Variants in NMNAT3 observed in about 807,000 individuals in gnomAD.
NMNAT3 encodes nicotinamide/nicotinic acid mononucleotide adenylyltransferase 3.
A neutral mutation model predicts 24.8 loss-of-function variants in NMNAT3; 21 were observed. That is an observed-to-expected ratio of 0.85 (90% CI 0.60 to 1.22). The LOEUF (loss-of-function observed/expected upper bound fraction) is 1.22. NMNAT3 is among the 50% of genes most tolerant of loss of function. NMNAT3 has a pLI of 0.00. For synonymous variants in NMNAT3, 136 were observed against 155.2 expected (o/e 0.88, Z 0.92); for missense variants, 387 against 436.6 (o/e 0.89, Z 1.01).
At chr3:139,594,506 CAAAAA>C (rs988683138) in intron 3 of NMNAT3, among the ~76,000 whole-genome samples, 1 of 151,956 alleles carries the variant, frequency 6.6e-6, no homozygotes, top group African/African-American at 2.4e-5. Context: ...AGAGACACAA[CAAAAA>C]AAGAGAATTT....
intron 4 of NMNAT3, among the ~76,000 whole-genome samples, chr3:139,581,253 G>A (rs1425111680): frequency 2.0e-5 from 3 of 152,054 alleles, no homozygotes; most frequent in Non-Finnish European, 4.4e-5. Flanking sequence ...GCTACAAGAG[G>A]TATTTTTGGG....
chr3:139,659,445 CAAATG>C (rs2057347058), intron 1 of NMNAT3, among the ~76,000 whole-genome samples: 1 of 152,172 alleles, frequency 6.6e-6, no homozygotes, highest in Non-Finnish European at 1.5e-5. Flanking sequence ...TTAAAAATGC[CAAATG>C]ATAATATATT....
At chr3:139,566,621 T>C (rs1937266848) in intron 6 of NMNAT3, 1 of 152,162 alleles carries the variant, frequency 6.6e-6, no homozygotes, top group African/African-American at 2.4e-5. Context: ...AAATAGGGAA[T>C]CCTTTCCCCA....
intron 3 of NMNAT3, among the ~76,000 whole-genome samples, chr3:139,608,972 G>A (rs1430803449): frequency 6.6e-6 from 1 of 152,170 alleles, no homozygotes; most frequent in East Asian, 1.9e-4. Context: ...TTTCAAGAAA[G>A]TTACAGATAT....
At chr3:139,619,187 A>C (rs1294724129) in intron 3 of NMNAT3, among the ~76,000 whole-genome samples, 2 of 152,124 alleles carry the variant, frequency 1.3e-5, no homozygotes, top group African/African-American at 2.4e-5. Context: ...CAATTTAACC[A>C]ACTCTATTTT....
intron 2 of NMNAT3, chr3:139,636,584 G>A (rs1036207729): frequency 6.6e-6 from 1 of 152,182 alleles, no homozygotes; most frequent in Non-Finnish European, 1.5e-5. Flanking sequence ...TGACAAAAAT[G>A]AAGCACAATT....
chr3:139,652,399 C>T (rs907213858), intron 1 of NMNAT3, among the ~76,000 whole-genome samples: 5 of 152,214 alleles, frequency 3.3e-5, no homozygotes, highest in Non-Finnish European at 7.3e-5. Context: ...GATGCTATTA[C>T]TCCACCTTTG....
At chr3:139,618,195 G>T (rs1313501716) in intron 3 of NMNAT3, among the ~76,000 whole-genome samples, 1 of 152,138 alleles carries the variant, frequency 6.6e-6, no homozygotes, top group East Asian at 1.9e-4. Context: ...GTAAAGGAGT[G>T]TGAAAAAAAC....
At chr3:139,644,102 C>G (rs1353995191) in intron 1 of NMNAT3, among the ~76,000 whole-genome samples, 1 of 152,202 alleles carries the variant, frequency 6.6e-6, no homozygotes, top group African/African-American at 2.4e-5. Context: ...CTCATCCCAT[C>G]TAGGGCATTT....
At chr3:139,563,112 G>T (rs918907923) in intron 6 of NMNAT3, among the ~76,000 whole-genome samples, 1 of 152,148 alleles carries the variant, frequency 6.6e-6, no homozygotes, top group Non-Finnish European at 1.5e-5. Flanking sequence ...CAACATTTAT[G>T]AATTGTCTCC....
At chr3:139,640,370 A>G (rs1468298060) in intron 1 of NMNAT3, among the ~76,000 whole-genome samples, 1 of 152,212 alleles carries the variant, frequency 6.6e-6, no homozygotes, top group Admixed American at 6.5e-5. Context: ...GCTGAGGAAT[A>G]TAGGGTGACA....
chr3:139,573,962 C>T (rs968456450), intron 5 of NMNAT3, among the ~76,000 whole-genome samples: 1 of 151,246 alleles, frequency 6.6e-6, no homozygotes, highest in African/African-American at 2.4e-5. Flanking sequence ...ACATTTTCTT[C>T]AATATTTCTC....
At chr3:139,567,326 C>G (rs910105372) in intron 6 of NMNAT3, 3 of 152,162 alleles carry the variant, frequency 2.0e-5, no homozygotes, top group African/African-American at 4.8e-5. Flanking sequence ...TTGACTTCCT[C>G]TTTTCCTAAC....
Position 139,566,954 on chromosome 3 carries a change from A to G in NMNAT3, c.659-5562T>C, listed in dbSNP as rs1298713474. On this transcript the variant is annotated intron_variant, in intron 6 of 6. Transcript: ENST00000643695. Reference sequence around the variant, plus strand: ...ATTGAATCTATAAATTACCTTGGGCAGTATGGCCATTTTCATGATATTGAT... The same window carrying G: ...ATTGAATCTATAAATTACCTTGGGCGGTATGGCCATTTTCATGATATTGAT... 3.3e-5 allele frequency: 5 copies of G among 152,200 alleles called. No individual in the cohort carries two copies. The South Asian group carries it at 8.3e-4, about 25-fold the overall frequency. The allele number at this position is 152,200 out of a possible 1,614,324, so 9.4% of individuals were successfully genotyped here. A position where few individuals can be genotyped will look rare whatever the true frequency, so the allele number is the denominator to read the frequency against.
intron 1 of NMNAT3, among the ~76,000 whole-genome samples, chr3:139,656,238 A>G (rs967848727): frequency 6.6e-6 from 1 of 152,228 alleles, no homozygotes; most frequent in Admixed American, 6.5e-5. Context: ...TTGCAGACCT[A>G]TTGGCAGCTT....
intron 2 of NMNAT3, among the ~76,000 whole-genome samples, chr3:139,629,404 T>C (rs1395485837): frequency 2.0e-5 from 3 of 152,226 alleles, no homozygotes; most frequent in Admixed American, 6.5e-5. Flanking sequence ...CTTTATAAGT[T>C]AAATTATATC....
At chr3:139,656,194 C>T (rs1438513711) in intron 1 of NMNAT3, among the ~76,000 whole-genome samples, 1 of 152,206 alleles carries the variant, frequency 6.6e-6, no homozygotes, top group African/African-American at 2.4e-5. Flanking sequence ...ATTCAGGTCA[C>T]TGGCTGAAGT....
chr3:139,619,200 G>C (rs1388723271), intron 3 of NMNAT3, among the ~76,000 whole-genome samples: 3 of 152,130 alleles, frequency 2.0e-5, no homozygotes, highest in Admixed American at 2.0e-4. Flanking sequence ...TCTATTTTCA[G>C]CAATAGTGCT....
chr3:139,663,727 C>A (rs936494361), intron 1 of NMNAT3, among the ~76,000 whole-genome samples: 1 of 152,148 alleles, frequency 6.6e-6, no homozygotes, highest in Non-Finnish European at 1.5e-5. Flanking sequence ...ACACATGACC[C>A]GAAGTCAGGA....
Sources: allele counts gnomAD v4.1 joint callset (sites outside exome capture counted in the v4.1 genomes callset), GRCh38; gene constraint gnomAD v4.1.1; transcripts MANE v1.5; gene names NCBI Gene and HGNC (gene_info 2026-07-23, HGNC 2026-07-21).